CHD6: variants seen among roughly 807,000 people sequenced by gnomAD.
CHD6 encodes ATP-dependent chromatin remodeler CHD6.
Under a neutral mutation model 276.9 loss-of-function variants are expected in CHD6, and 50 were observed. The observed-to-expected ratio is 0.18, with a 90% CI of 0.14 to 0.23. The LOEUF (loss-of-function observed/expected upper bound fraction) is 0.23, where lower values mean the gene tolerates loss of function less well. CHD6 is among the 10% of genes least tolerant of loss of function. The pLI, the probability that CHD6 is intolerant of heterozygous loss-of-function variation, is 1.00. For missense variants in CHD6, 2,564 were observed against 3,365.8 expected, an observed-to-expected ratio of 0.76 and a Z score of 5.89; for synonymous variants, 1,173 against 1,229.3, an observed-to-expected ratio of 0.95 and a Z score of 0.96.
At chr20:41,447,817 G>T in intron 24 of CHD6, 65 bp downstream of exon 24, 2 of 1,233,090 alleles carry the variant, frequency 1.6e-6, no homozygotes, top group Non-Finnish European at 2.3e-6. Context: ...AGTTTGGCCA[G>T]CTCCATGAAT....
chr20:41,421,031 T>C lies in CHD6; in HGVS notation c.5604A>G (p.Glu1868=). 1 of 1,613,940 alleles carries C rather than the reference T, an allele frequency of 6.2e-7. No homozygotes were observed. The highest frequency in any genetic ancestry group is 8.5e-7 in the Non-Finnish European group (1 of 1,179,960). Residue 1868 remains glutamate (E), a synonymous_variant, in exon 31 of 37, where the codon GAA becomes GAG. Transcript: ENST00000373233. ...TTTCCTCCTCGTTTTCCTCCTCTTC[T>C]TCCTCCTCATCACTGTGGTTCTGAC... The part of the protein sequence containing the change: ...ILSQNHSDEE[E]EEEENEEENL...
chr20:41,498,419 T>TA (rs1263883381), intron 6 of CHD6, among the ~76,000 whole-genome samples, 193 bp from the exon 7 acceptor site: 2 of 152,026 alleles, frequency 1.3e-5, no homozygotes, highest in African/African-American at 2.4e-5. Flanking sequence ...AGCTGCAAGG[T>TA]AAAAAACTGA....
intron 26 of CHD6, among the ~76,000 whole-genome samples, chr20:41,437,944 C>G (rs2047768062): frequency 6.6e-6 from 1 of 152,224 alleles, no homozygotes; most frequent in Non-Finnish European, 1.5e-5. Context: ...GCATGAGGCT[C>G]CAGCCTCACG....
At chr20:41,590,369 G>C (rs1382294719) in intron 1 of CHD6, among the ~76,000 whole-genome samples, 6 of 152,186 alleles carry the variant, frequency 3.9e-5, no homozygotes, top group Admixed American at 1.3e-4. Flanking sequence ...CAAATGGGAA[G>C]TAATTAAACT....
chr20:41,551,226 A>G, intron 2 of CHD6, 79 bp downstream of exon 2: 1 of 917,328 alleles, frequency 1.1e-6, no homozygotes, highest in Non-Finnish European at 1.8e-6. Context: ...GGATAAGCCA[A>G]CACTGCCAGT....
chr20:41,552,584 G>A (rs1205540382), intron 1 of CHD6, among the ~76,000 whole-genome samples: 1 of 152,182 alleles, frequency 6.6e-6, no homozygotes, highest in Non-Finnish European at 1.5e-5. Context: ...CCAATTCTAA[G>A]TAAGTTCATG....
intron 1 of CHD6, among the ~76,000 whole-genome samples, chr20:41,584,277 G>A (rs893554303): frequency 4.6e-5 from 7 of 152,162 alleles, no homozygotes; most frequent in African/African-American, 7.2e-5. Context: ...TTAATTCATC[G>A]AAAAGATATA....
At chr20:41,493,421 A>G in intron 10 of CHD6, 117 bp downstream of exon 10, 1 of 1,036,740 alleles carries the variant, frequency 9.6e-7, no homozygotes, top group Non-Finnish European at 1.4e-6. Context: ...ATGAGAAGTA[A>G]CAAAGGTAAA....
intron 1 of CHD6, among the ~76,000 whole-genome samples, chr20:41,567,008 T>C (rs964035021): frequency 2.0e-5 from 3 of 152,172 alleles, no homozygotes; most frequent in African/African-American, 4.8e-5. Context: ...CTAGTTCCAT[T>C]ATATGGTGAA....
Position 41,421,885 on chromosome 20 carries a change from G to A in CHD6, c.4750C>T (p.Leu1584=). ...CCATGTTTGGCAGTGCCGATGAGCA[G>A]GTCTCGATCATGCTTCCCACACTCC... The part of the protein sequence containing the change: ...WWECGKHDRD[L]LIGTAKHGLN... Residue 1584 remains leucine (L), a synonymous_variant, in exon 31 of 37, where the codon CTG becomes TTG. Coordinates refer to ENST00000373233, the MANE Select transcript of CHD6 (RefSeq NM_032221.5). 6.2e-7 allele frequency: 1 copy of A among 1,614,190 alleles called. No homozygotes were observed. The highest frequency in any genetic ancestry group is 8.5e-7 in the Non-Finnish European group (1 of 1,180,032).
intron 13 of CHD6, among the ~76,000 whole-genome samples, chr20:41,488,143 T>C (rs1248778901): frequency 6.6e-6 from 1 of 152,218 alleles, no homozygotes; most frequent in South Asian, 2.1e-4. Context: ...TTTAGGGGCC[T>C]GGAAACCAGC....
chr20:41,618,040 C>A (rs1312326515), intron 1 of CHD6, among the ~76,000 whole-genome samples: 2 of 147,838 alleles, frequency 1.4e-5, no homozygotes, highest in African/African-American at 4.9e-5. Context: ...CGCAGCGGCG[C>A]ACTCCCAAGG....
chr20:41,580,467 C>CAACA (rs1189446398), intron 1 of CHD6, among the ~76,000 whole-genome samples: 1 of 151,478 alleles, frequency 6.6e-6, no homozygotes, highest in African/African-American at 2.4e-5. Flanking sequence ...CCATACTGGG[C>CAACA]AACATAAGGA....
At chr20:41,477,275 A>T (rs2043189120) in intron 16 of CHD6, among the ~76,000 whole-genome samples, 1 of 151,930 alleles carries the variant, frequency 6.6e-6, no homozygotes. Context: ...AATAATTCTG[A>T]AGTTCATCTG....
At chr20:41,531,912 T>C (rs142905445) in intron 3 of CHD6, among the ~76,000 whole-genome samples, 1 of 152,152 alleles carries the variant, frequency 6.6e-6, no homozygotes, top group African/African-American at 2.4e-5. Context: ...AGTATCCACA[T>C]CAGTCTGTGT....
Position 41,461,655 on chromosome 20 carries a change from C to T in CHD6, c.2665-4227G>A, listed in dbSNP as rs115579152. On this transcript the variant is annotated intron_variant, in intron 17 of 36. Coordinates refer to ENST00000373233, the MANE Select transcript of CHD6 (RefSeq NM_032221.5). The stretch of plus-strand genomic sequence containing the variant: ...TAAACTTCTTTTTCGTCCCAGTCCC[C>T]GGTATGTCTTTATCAGCAGTGTGAA... 3.2e-3 allele frequency: 494 copies of T among 152,788 alleles called. 2 individuals carry two copies. Among genetic ancestry groups the T allele is most frequent in the African/African-American group, 0.011 (477 of 41,562 alleles). The allele number at this position is 152,788 out of a possible 1,614,324, so 9.5% of individuals were successfully genotyped here.
intron 17 of CHD6, among the ~76,000 whole-genome samples, chr20:41,458,092 A>G (rs1297847282): frequency 6.6e-6 from 1 of 152,194 alleles, no homozygotes; most frequent in Non-Finnish European, 1.5e-5. Flanking sequence ...TCTCTAAACT[A>G]GGAGTTCTAC....
rs140039067 is a variant in CHD6 at position 41,487,704 on chromosome 20, A to G, written c.1962T>C (p.Ala654=). ...LEPSQFPSET[A]FLEEFGDLKT... is the part of the protein sequence containing the mutation. ...TCAGATCTCCAAATTCCTCCAAGAA[A>G]GCGGTCTCTGAAGGAAACTGTGATG... Residue 654 remains alanine, a synonymous_variant, in exon 14 of 37, where the codon GCT becomes GCC. Coordinates refer to ENST00000373233, the MANE Select transcript of CHD6 (RefSeq NM_032221.5). The G allele has an allele frequency of 8.0e-5, 129 of 1,610,884 alleles. No homozygotes were observed. The highest frequency in any genetic ancestry group is 1.0e-4 in the Non-Finnish European group (122 of 1,179,254).
intron 36 of CHD6, 45 bp from the exon 37 acceptor site, chr20:41,405,534 C>G: frequency 6.8e-7 from 1 of 1,464,560 alleles, no homozygotes. Flanking sequence ...AACAGGATGG[C>G]AGGTGGTCAG....
Sources: gnomAD v4.1 joint callset for allele counts (sites outside exome capture counted in the v4.1 genomes callset) on GRCh38, gnomAD v4.1.1 for gene constraint, MANE v1.5 for transcripts, NCBI Gene and HGNC (gene_info 2026-07-23, HGNC 2026-07-21) for gene names.